The following RREB1 variants were observed in gnomAD, a reference collection of about 807,000 sequenced individuals.
RREB1 encodes the protein ras-responsive element-binding protein 1.
In RREB1, 27 loss-of-function variants were observed where a neutral mutation model predicts 117.8. That is an observed-to-expected ratio of 0.23 (90% CI 0.17 to 0.32). The LOEUF (loss-of-function observed/expected upper bound fraction) is 0.32. RREB1 is among the 10% of genes least tolerant of loss of function. RREB1 has a pLI of 1.00. For missense variants in RREB1, 2,577 were observed against 2,378.2 expected, an observed-to-expected ratio of 1.08 and a Z score of -1.74; for synonymous variants, 1,298 against 1,026.7, an observed-to-expected ratio of 1.26 and a Z score of -5.05.
chr6:7,176,142 C>G (rs4568499), intron 1 of RREB1, among the ~76,000 whole-genome samples: 30,250 of 152,160 alleles, frequency 0.2, 3,681 homozygotes, highest in African/African-American at 0.34. Flanking sequence ...GTCTCGAACT[C>G]CTGAGCTAAA....
chr6:7,192,329 A>G (rs1765454776), intron 6 of RREB1, among the ~76,000 whole-genome samples: 1 of 151,778 alleles, frequency 6.6e-6, no homozygotes, highest in Admixed American at 6.6e-5. Context: ...GGTAGCTGGG[A>G]CTACAGGCGT....
rs369549366 is a variant in RREB1, at chr6:7,246,933, G to A, written c.4483G>A (p.Glu1495Lys). The A allele has an allele frequency of 1.4e-4, 216 of 1,557,492 alleles. No homozygotes were observed. Among genetic ancestry groups the A allele is most frequent in the East Asian group, 2.9e-4 (12 of 41,284 alleles). ...TAEEGPQPAP[E>K]QEEKPPETPA... ...AGAGGAGGGGCCCCAGCCCGCCCCTGAACAGGAGGAGAAGCCCCCCGAGAC... is the reference window on the plus strand; with the variant it reads ...AGAGGAGGGGCCCCAGCCCGCCCCTAAACAGGAGGAGAAGCCCCCCGAGAC... Residue 1495 changes from glutamate to lysine, a missense_variant, in exon 12 of 13, where the codon GAA (glutamate) becomes AAA (lysine). Physicochemically the swap from Glu to Lys is moderately conservative, Grantham distance 56. Coordinates refer to ENST00000379938, the MANE Select transcript of RREB1 (RefSeq NM_001003699.4).
intron 1 of RREB1, among the ~76,000 whole-genome samples, chr6:7,156,586 G>A (rs1209760744): frequency 6.6e-6 from 1 of 152,166 alleles, no homozygotes; most frequent in Non-Finnish European, 1.5e-5. Context: ...ATTTTGGGTT[G>A]GACATTTGTA....
intron 1 of RREB1, among the ~76,000 whole-genome samples, chr6:7,109,304 C>T (rs939719561): frequency 6.6e-6 from 1 of 152,124 alleles, no homozygotes; most frequent in Non-Finnish European, 1.5e-5. Context: ...CCCCCGCGCC[C>T]CCTCCCCGCT....
At position 7,249,225 on chromosome 6, in the gene RREB1, G is replaced by T. The variant is rs1769305821; in HGVS notation, c.*257G>T. 9 of 446,292 alleles carry T rather than the reference G, an allele frequency of 2.0e-5. No homozygotes were observed. In the East Asian group the frequency reaches 3.0e-4, roughly 15 times the overall value. The allele number at this position is 446,292 out of a possible 1,614,324, so 27.6% of individuals were successfully genotyped here. ...ACCGGATCCCTCCATATTATCATGG[G>T]TGTTGTATTTTTCCAAAATGACTTC... On this transcript the variant is annotated 3_prime_UTR_variant, in exon 13 of 13. Transcript: ENST00000379938.
At chr6:7,207,384 A>G (rs1023821160) in intron 6 of RREB1, among the ~76,000 whole-genome samples, 1 of 152,180 alleles carries the variant, frequency 6.6e-6, no homozygotes, top group Non-Finnish European at 1.5e-5. Flanking sequence ...AACACCGCAT[A>G]TTGTTAATGT....
At chr6:7,194,050 G>C (rs1177834870) in intron 6 of RREB1, among the ~76,000 whole-genome samples, 1 of 152,172 alleles carries the variant, frequency 6.6e-6, no homozygotes. Context: ...TGTCATCCCA[G>C]TAGCATATTC....
chr6:7,203,321 C>T (rs566880757), intron 6 of RREB1, among the ~76,000 whole-genome samples: 58 of 152,312 alleles, frequency 3.8e-4, no homozygotes, highest in African/African-American at 1.3e-3. Flanking sequence ...TGCACCACTG[C>T]ACTCTAGCCT....
intron 1 of RREB1, among the ~76,000 whole-genome samples, chr6:7,142,771 GTGGCACCCCC>G (rs1762671661): frequency 6.6e-6 from 1 of 152,246 alleles, no homozygotes; most frequent in Non-Finnish European, 1.5e-5. Context: ...GTGACTTTAC[GTGGCACCCCC>G]TCTTTCCACT....
In RREB1 at chr6:7,211,620, A is replaced by T; in HGVS notation, c.618A>T (p.Glu206Asp). The change falls in exon 8 of 13, where the codon GAA (glutamate) becomes GAT (aspartate). Residue 206 changes from glutamate (E) to aspartate (D), a missense_variant. By Grantham distance (45) the Glu-to-Asp change is conservative (BLOSUM62 2). Transcript: ENST00000379938. ...GTGACTTGGAGAAGAAAGCTGATGA[A>T]GTCTTTCACTGCCCAGTATGTTTCA... ...QSGDLEKKAD[E>D]VFHCPVCFKE... The T allele has an allele frequency of 6.2e-7, 1 of 1,613,996 alleles. No individual in the cohort carries two copies. The highest frequency in any genetic ancestry group is 8.5e-7 in the Non-Finnish European group (1 of 1,179,850).
chr6:7,202,714 GGAA>G (rs766073792), intron 6 of RREB1, among the ~76,000 whole-genome samples: 7 of 152,172 alleles, frequency 4.6e-5, no homozygotes, highest in African/African-American at 7.2e-5. Context: ...GTTAGCCTGG[GGAA>G]GAAGAAGAGG....
chr6:7,124,843 T>C (rs1256889334), intron 1 of RREB1, among the ~76,000 whole-genome samples: 2 of 152,296 alleles, frequency 1.3e-5, no homozygotes, highest in East Asian at 1.9e-4. Context: ...GATGAGGAAA[T>C]TGAGACCCAG....
At chr6:7,245,427 A>T (rs913792794) in intron 11 of RREB1, among the ~76,000 whole-genome samples, 1 of 152,146 alleles carries the variant, frequency 6.6e-6, no homozygotes, top group African/African-American at 2.4e-5. Context: ...CAGACATAGG[A>T]TCTGCAGCTA....
chr6:7,182,547 AG>A (rs1764864337), intron 4 of RREB1, among the ~76,000 whole-genome samples: 1 of 152,242 alleles, frequency 6.6e-6, no homozygotes, highest in South Asian at 2.1e-4. Context: ...GATGCTGTTT[AG>A]TCATCTTGGA....
chr6:7,230,939 A>T lies in RREB1; in HGVS notation c.2840A>T (p.Asp947Val), dbSNP rs1407925597. The part of the protein sequence containing the change: ...LSIPKNFRKG[D>V]KDLATPSEAK... Reference sequence around the variant, plus strand: ...ATCCCCAAGAACTTCAGGAAAGGGGACAAGGATTTGGCCACTCCCAGCGAA... The same window carrying T: ...ATCCCCAAGAACTTCAGGAAAGGGGTCAAGGATTTGGCCACTCCCAGCGAA... Residue 947 changes from aspartate (D) to valine (V), a missense_variant, in exon 10 of 13, where the codon GAC becomes GTC. Asp to Val is a radical substitution (Grantham distance 152, BLOSUM62 -3). Transcript: ENST00000379938. The T allele has an allele frequency of 6.2e-7, 1 of 1,613,860 alleles. No homozygotes were observed. The highest frequency in any genetic ancestry group is 8.5e-7 in the Non-Finnish European group (1 of 1,179,918).
chr6:7,121,332 A>G (rs1040773818), intron 1 of RREB1, among the ~76,000 whole-genome samples: 1 of 152,142 alleles, frequency 6.6e-6, no homozygotes, highest in Non-Finnish European at 1.5e-5. Context: ...CATAGGGTTC[A>G]TGGGAAGAGC....
At chr6:7,205,623 G>T (rs1272014907) in intron 6 of RREB1, among the ~76,000 whole-genome samples, 1 of 152,142 alleles carries the variant, frequency 6.6e-6, no homozygotes, top group African/African-American at 2.4e-5. Flanking sequence ...AGGAAGGTCC[G>T]CAGAAAGTTC....
rs143627912 is a variant in RREB1, at chr6:7,141,827, G to A, written c.-285+33767G>A. 3.4e-3 allele frequency among the ~76,000 whole-genome samples: 516 copies of A among 152,360 alleles called. 5 individuals are homozygous for A. The highest frequency in any genetic ancestry group is 0.023 in the Admixed American group (357 of 15,310). ...CAGAGCCCAGGAGAACGGGCAGCCG[G>A]GTGGCCGGGCCAGGAAGCAGGGCCT... On this transcript the variant is annotated intron_variant, in intron 1 of 12. Coordinates refer to ENST00000379938, the MANE Select transcript of RREB1 (RefSeq NM_001003699.4).
At chr6:7,173,181 TC>T (rs995588433) in intron 1 of RREB1, among the ~76,000 whole-genome samples, 1 of 152,188 alleles carries the variant, frequency 6.6e-6, no homozygotes, top group African/African-American at 2.4e-5. Context: ...AACATTTTTT[TC>T]AGGGCCTCTA....
Sources: allele counts gnomAD v4.1 joint callset (sites outside exome capture counted in the v4.1 genomes callset), GRCh38; gene constraint gnomAD v4.1.1; transcripts MANE v1.5; gene names NCBI Gene and HGNC (gene_info 2026-07-23, HGNC 2026-07-21).